The following FBXL22 variants were observed in gnomAD, a reference collection of about 807,000 sequenced individuals.
FBXL22 encodes the protein F-box and leucine rich repeat protein 22.
A neutral mutation model predicts 11.7 loss-of-function variants in FBXL22; 13 were observed. The ratio of observed to expected loss-of-function variants is 1.11; its 90% CI spans 0.73 to 1.77. The LOEUF (loss-of-function observed/expected upper bound fraction) is 1.77. FBXL22 is among the 40% of genes most tolerant of loss of function. The pLI is 0.00. For synonymous variants in FBXL22, 160 were observed against 144.1 expected (o/e 1.11, Z -0.79); for missense variants, 406 against 320.4 (o/e 1.27, Z -2.04).
chr15:63,601,621 T>C (rs748090410), downstream of FBXL22: 1 of 1,601,594 alleles, frequency 6.2e-7, no homozygotes, highest in African/African-American at 1.3e-5. Context: ...CGCTCCTCCT[T>C]GCGGTTTTGC....
At chr15:63,602,085 G>T (rs1226145646), downstream of FBXL22, 2 of 181,926 alleles carry the variant, frequency 1.1e-5, no homozygotes, top group South Asian at 1.4e-4. Flanking sequence ...TTCACACTCC[G>T]GCTCCACCCA....
chr15:63,597,662 C>A lies in FBXL22; in HGVS notation c.270C>A (p.Asp90Glu). Reference sequence around the variant, plus strand: ...GCGTGCAGGTGTGCAGCATTGAGGACTGGCTCAAGAGTGCCTTCCAGAGAA... The same window carrying A: ...GCGTGCAGGTGTGCAGCATTGAGGAATGGCTCAAGAGTGCCTTCCAGAGAA... ...SSRVQVCSIE[D>E]WLKSAFQRSI... The change falls in exon 1 of 2, where the codon GAC becomes GAA. Residue 90 changes from aspartate to glutamate, a missense_variant. By Grantham distance (45) the Asp-to-Glu change is conservative. Transcript: ENST00000638704. The surrounding 1 kb of genome is among the most constrained non-coding windows in gnomAD (Gnocchi z 4.3). 1.2e-6 allele frequency: 2 copies of A among 1,612,068 alleles called. No individual in the cohort carries two copies. Among genetic ancestry groups the A allele is most frequent in the Non-Finnish European group, 1.7e-6 (2 of 1,179,294 alleles).
chr15:63,600,848 G>A lies in FBXL22; in HGVS notation c.505G>A (p.Ala169Thr), dbSNP rs1595796479. The A allele has an allele frequency of 8.1e-7, 1 of 1,229,916 alleles. No homozygotes were observed. The highest frequency in any genetic ancestry group is 1.0e-6 in the Non-Finnish European group (1 of 986,766). The allele number at this position is 1,229,916 out of a possible 1,614,324, so 76.2% of individuals were successfully genotyped here. The part of the protein sequence containing the change: ...VTNRTLAAVA[A>T]DGRALQTLHV... ...CAACCGCACGTTGGCTGCCGTGGCG[G>A]CGGACGGGCGCGCGCTGCAGACATT... Residue 169 changes from alanine (A) to threonine (T), a missense_variant, in exon 2 of 2, where the codon GCG becomes ACG. Physicochemically the swap from Ala to Thr is moderately conservative, Grantham distance 58. Transcript: ENST00000638704.
chr15:63,600,457 C>T (rs776207721), intron 1 of FBXL22: 4 of 1,215,432 alleles, frequency 3.3e-6, no homozygotes, highest in Non-Finnish European at 4.1e-6. Flanking sequence ...CTAGGGGCTC[C>T]CAAGGCTACG....
chr15:63,604,516 TGAAG>T (rs2067404283), downstream of FBXL22, among the ~76,000 whole-genome samples: 1 of 152,150 alleles, frequency 6.6e-6, no homozygotes, highest in Admixed American at 6.5e-5. Context: ...GGTTCTGAAG[TGAAG>T]GGTCATTTTA....
At chr15:63,601,463 TG>T, downstream of FBXL22, 2 of 1,571,578 alleles carry the variant, frequency 1.3e-6, 1 homozygote, top group Middle Eastern at 3.4e-4. Flanking sequence ...CGCAGGGGTC[TG>T]GGGAGCCTCC....
At chr15:63,599,071 T>C (rs1446381965) in intron 1 of FBXL22, 6 of 880,310 alleles carry the variant, frequency 6.8e-6, no homozygotes, top group African/African-American at 1.7e-5. Flanking sequence ...CGTCCAACCA[T>C]GTGACCCCAG....
rs191350288 is a variant in FBXL22, at chr15:63,599,061, C to T, written c.353+1316C>T. On this transcript the variant is annotated intron_variant, in intron 1 of 1. Transcript: ENST00000638704. ...CAGCACTCTGCTGAGCCGCTCAGCT[C>T]GTCCAACCATGTGACCCCAGCTCAA... The T allele has an allele frequency of 1.9e-3, 1,482 of 795,484 alleles. 4 individuals are homozygous for T. The highest frequency in any genetic ancestry group is 5.1e-3 in the Admixed American group (238 of 47,068). 49.3% of individuals were successfully genotyped at this position (795,484 alleles called of 1,614,324 possible).
rs1383653098 is a variant in FBXL22 at position 63,597,850 on chromosome 15, G to T, written c.353+105G>T. 40 of 1,140,266 alleles carry T rather than the reference G, an allele frequency of 3.5e-5. No homozygotes were observed. The East Asian group carries it at 1.0e-3, about 29-fold the overall frequency. 70.6% of individuals were successfully genotyped at this position (1,140,266 alleles called of 1,614,324 possible). On this transcript the variant is annotated intron_variant, in intron 1 of 1. Coordinates refer to ENST00000638704, the MANE Select transcript of FBXL22 (RefSeq NM_001367807.1). This position sits in a 1 kb window ranked among gnomAD's most constrained non-coding sequence, Gnocchi z 4.3. ...CGAGACCAAGATGGCTCCACCTTCG[G>T]GGCGCCTCAAACTAGGCCCAAGGCA...
rs2067360901 is a variant in FBXL22 at position 63,600,944 on chromosome 15, G to A, written c.601G>A (p.Ala201Thr). The A allele has an allele frequency of 8.3e-7, 1 of 1,200,060 alleles. No individual in the cohort carries two copies. The highest frequency in any genetic ancestry group is 1.0e-6 in the Non-Finnish European group (1 of 967,562). 74.3% of individuals were successfully genotyped at this position (1,200,060 alleles called of 1,614,324 possible). A position where few individuals can be genotyped will look rare whatever the true frequency, so the allele number is the denominator to read the frequency against. ...CCTGCGCGCCGCGTGCCCGCGCCTGGCCCTGCGGGCAGAGCACAGCGCCGC... is the reference window on the plus strand; with the variant it reads ...CCTGCGCGCCGCGTGCCCGCGCCTGACCCTGCGGGCAGAGCACAGCGCCGC... ...RRLRAACPRL[A>T]LRAEHSAAML... Residue 201 changes from alanine (A) to threonine (T), a missense_variant, in exon 2 of 2, where the codon GCC becomes ACC. Coordinates refer to ENST00000638704, the MANE Select transcript of FBXL22 (RefSeq NM_001367807.1).
In FBXL22 at chr15:63,601,204, T is replaced by C; in HGVS notation, c.*165T>C. 40 of 1,485,152 alleles carry C rather than the reference T, an allele frequency of 2.7e-5. No individual in the cohort carries two copies. Among genetic ancestry groups the C allele is most frequent in the Non-Finnish European group, 3.5e-5 (39 of 1,125,358 alleles). The allele number at this position is 1,485,152 out of a possible 1,614,324, so 92.0% of individuals were successfully genotyped here. Reference sequence around the variant, plus strand: ...CTACCTCACGTTACGATTTTATACATAGGATAAACGCAAGATTAAATGGAT... The same window carrying C: ...CTACCTCACGTTACGATTTTATACACAGGATAAACGCAAGATTAAATGGAT... On this transcript the variant is annotated 3_prime_UTR_variant, in exon 2 of 2. Coordinates refer to ENST00000638704, the MANE Select transcript of FBXL22 (RefSeq NM_001367807.1).
chr15:63,601,160 A>C lies in FBXL22; in HGVS notation c.*121A>C, dbSNP rs2067365352. 1 of 1,430,680 alleles carries C rather than the reference A, an allele frequency of 7.0e-7. No individual in the cohort carries two copies. Among genetic ancestry groups the C allele is most frequent in the Admixed American group, 2.8e-5 (1 of 35,588 alleles). The allele number at this position is 1,430,680 out of a possible 1,614,324, so 88.6% of individuals were successfully genotyped here. On this transcript the variant is annotated 3_prime_UTR_variant, in exon 2 of 2. Coordinates refer to ENST00000638704, the MANE Select transcript of FBXL22 (RefSeq NM_001367807.1). ...TCTGAGCCTCATTTTCCCCGTCTGC[A>C]CAGTGGGGATAAGAAAGCCTACCTC...
Position 63,600,711 on chromosome 15 carries a change from C to G in FBXL22, c.368C>G (p.Ala123Gly), listed in dbSNP as rs2067353445. The change falls in exon 2 of 2, where the codon GCG (alanine) becomes GGG (glycine). Residue 123 changes from alanine to glycine, a missense_variant. Physicochemically the swap from Ala to Gly is moderately conservative, Grantham distance 60 (BLOSUM62 0). Coordinates refer to ENST00000638704, the MANE Select transcript of FBXL22 (RefSeq NM_001367807.1). ...TCTCCTCACAGGTGCCCCAACCTGGCGTCCGTCACGCTCTCGGGCTGCGGC... is the reference window on the plus strand; with the variant it reads ...TCTCCTCACAGGTGCCCCAACCTGGGGTCCGTCACGCTCTCGGGCTGCGGC... ...LRVCDRCPNL[A>G]SVTLSGCGHV... 2.4e-6 allele frequency: 3 copies of G among 1,231,424 alleles called. No homozygotes were observed. The African/African-American group carries it at 4.7e-5, about 19-fold the overall frequency. The allele number at this position is 1,231,424 out of a possible 1,614,324, so 76.3% of individuals were successfully genotyped here. A position where few individuals can be genotyped will look rare whatever the true frequency, so the allele number is the denominator to read the frequency against.
Position 63,600,754 on chromosome 15 carries a change from C to T in FBXL22, c.411C>T (p.Cys137=). The T allele has an allele frequency of 8.1e-7, 1 of 1,231,484 alleles. No individual in the cohort carries two copies. The highest frequency in any genetic ancestry group is 1.0e-6 in the Non-Finnish European group (1 of 987,756). 76.3% of individuals were successfully genotyped at this position (1,231,484 alleles called of 1,614,324 possible). A position where few individuals can be genotyped will look rare whatever the true frequency, so the allele number is the denominator to read the frequency against. ...LSGCGHVTDD[C]LARLLRCCPR... ...GCTGCGGCCACGTTACCGACGACTG[C>T]CTGGCGCGCCTGCTGCGCTGCTGCC... The change falls in exon 2 of 2, where the codon TGC becomes TGT. Residue 137 remains cysteine, a synonymous_variant. Coordinates refer to ENST00000638704, the MANE Select transcript of FBXL22 (RefSeq NM_001367807.1).
chr15:63,606,109 C>T (rs1035503978), downstream of FBXL22, among the ~76,000 whole-genome samples: 2 of 152,198 alleles, frequency 1.3e-5, no homozygotes, highest in Non-Finnish European at 2.9e-5. Flanking sequence ...CAGTTCTAGT[C>T]GGGGCACACC....
chr15:63,602,281 G>A (rs1158832541), downstream of FBXL22: 2 of 152,242 alleles, frequency 1.3e-5, no homozygotes, highest in Non-Finnish European at 2.9e-5. Flanking sequence ...CAGGTAACTG[G>A]TATATAAGAG....
chr15:63,598,929 C>G (rs1262250386), intron 1 of FBXL22, among the ~76,000 whole-genome samples: 1 of 152,140 alleles, frequency 6.6e-6, no homozygotes, highest in Non-Finnish European at 1.5e-5. Context: ...GTAAGAGAAC[C>G]GAGCTTAATG....
At chr15:63,607,236 G>A (rs556244443), downstream of FBXL22, among the ~76,000 whole-genome samples, 62 of 152,114 alleles carry the variant, frequency 4.1e-4, no homozygotes, top group Non-Finnish European at 6.3e-4. Flanking sequence ...TAGTAGAGAC[G>A]GGGTTTCACC....
At chr15:63,601,705 A>G, downstream of FBXL22, 1 of 1,599,584 alleles carries the variant, frequency 6.3e-7, no homozygotes, top group Non-Finnish European at 8.5e-7. Context: ...GCGATTGTAG[A>G]AAATTCGCTC....
Sources: gnomAD v4.1 joint callset for allele counts (sites outside exome capture counted in the v4.1 genomes callset) on GRCh38, gnomAD v4.1.1 for gene constraint, Gnocchi (gnomAD v3.1) non-coding constraint, MANE v1.5 for transcripts, NCBI Gene and HGNC (gene_info 2026-07-23, HGNC 2026-07-21) for gene names.